Variants in MAD1L1 observed in about 807,000 individuals in gnomAD.
MAD1L1 encodes mitotic arrest deficient 1 like 1.
MAD1L1 carries 95 observed loss-of-function variants against 96.9 expected under a neutral mutation model. That is an observed-to-expected ratio of 0.98 (90% CI 0.83 to 1.16). The LOEUF (loss-of-function observed/expected upper bound fraction) is 1.16. Among genes scored for constraint, MAD1L1 ranks in the 50% most tolerant of loss-of-function variants. The probability of loss-of-function intolerance (pLI) is 0.00; values close to 1 mark genes in which losing one functional copy is unlikely to be tolerated. For synonymous variants in MAD1L1, 473 were observed against 396.6 expected, an observed-to-expected ratio of 1.19 and a Z score of -2.29; for missense variants, 1,007 against 954.4, an observed-to-expected ratio of 1.06 and a Z score of -0.73.
intron 11 of MAD1L1, among the ~76,000 whole-genome samples, chr7:2,096,242 A>G (rs558370500): frequency 1.3e-5 from 2 of 152,318 alleles, no homozygotes; most frequent in East Asian, 3.9e-4. Flanking sequence ...TCCTCGTCGG[A>G]CACAAGGGCT....
intron 16 of MAD1L1, among the ~76,000 whole-genome samples, chr7:1,955,557 C>T (rs186601346): frequency 2.6e-5 from 4 of 152,360 alleles, no homozygotes; most frequent in Non-Finnish European, 5.9e-5. Context: ...TCCCAAAGTA[C>T]TGGGATTACA....
chr7:2,011,839 A>AGC (rs1452909453), intron 13 of MAD1L1, among the ~76,000 whole-genome samples: 9 of 152,154 alleles, frequency 5.9e-5, no homozygotes, highest in Non-Finnish European at 1.3e-4. Context: ...AGGCCAGTGC[A>AGC]GCGGGGTCCT....
intron 1 of MAD1L1, among the ~76,000 whole-genome samples, chr7:2,232,663 CAG>C (rs898366122): frequency 1.3e-5 from 2 of 152,106 alleles, no homozygotes; most frequent in Non-Finnish European, 2.9e-5. Context: ...GGAGTGGGGA[CAG>C]GGGAGTGGGG....
chr7:1,918,301 G>A (rs1397073209), intron 17 of MAD1L1, among the ~76,000 whole-genome samples: 3 of 152,256 alleles, frequency 2.0e-5, no homozygotes, highest in African/African-American at 4.8e-5. Context: ...CAGCCCCAGC[G>A]CAGTCCCCTC....
chr7:1,984,999 C>T (rs1047026302), intron 14 of MAD1L1, among the ~76,000 whole-genome samples: 3 of 152,238 alleles, frequency 2.0e-5, no homozygotes, highest in Admixed American at 6.5e-5. Context: ...ACAGTACCTA[C>T]TGTATCTCCT....
chr7:2,131,815 C>T (rs10256077), intron 11 of MAD1L1, among the ~76,000 whole-genome samples: 77,637 of 152,076 alleles, frequency 0.51, 20,496 homozygotes, highest in Middle Eastern at 0.69. Flanking sequence ...TGACAGCCAT[C>T]GCACCTGGGG....
At chr7:1,988,101 G>A (rs997053015) in intron 14 of MAD1L1, among the ~76,000 whole-genome samples, 1 of 152,258 alleles carries the variant, frequency 6.6e-6, no homozygotes, top group Non-Finnish European at 1.5e-5. Flanking sequence ...AGACCCAGAA[G>A]AAAAGGAGTA....
chr7:1,882,584 C>T lies in MAD1L1; in HGVS notation c.1998+15616G>A, dbSNP rs529240685. 8.5e-5 allele frequency among the ~76,000 whole-genome samples: 13 copies of T among 152,322 alleles called. 1 individual carries two copies. In the East Asian group the frequency reaches 1.9e-3, roughly 23 times the overall value. ...AGTTAACTACTTCCTATCAGCAACACCCGTGGCCACAGGGTCCTGCTCACC... is the reference window on the plus strand; with the variant it reads ...AGTTAACTACTTCCTATCAGCAACATCCGTGGCCACAGGGTCCTGCTCACC... On this transcript the variant is annotated intron_variant, in intron 18 of 18. Transcript: ENST00000265854.
At chr7:1,850,806 G>A (rs1783928804) in intron 18 of MAD1L1, among the ~76,000 whole-genome samples, 1 of 152,198 alleles carries the variant, frequency 6.6e-6, no homozygotes, top group Non-Finnish European at 1.5e-5. Flanking sequence ...GTTCACTGCA[G>A]GCCAGACCGT....
At chr7:1,930,703 A>C (rs1250218391) in intron 17 of MAD1L1, among the ~76,000 whole-genome samples, 2 of 150,548 alleles carry the variant, frequency 1.3e-5, no homozygotes, top group Non-Finnish European at 3.0e-5. Context: ...GACCCCCGAG[A>C]TGCTGGGTGA....
intron 14 of MAD1L1, among the ~76,000 whole-genome samples, chr7:1,990,467 G>C (rs1179262138): frequency 1.3e-5 from 2 of 152,234 alleles, no homozygotes; most frequent in Non-Finnish European, 2.9e-5. Context: ...GGAGACACAG[G>C]CGCTGTGGGC....
chr7:1,904,826 AG>A, intron 17 of MAD1L1, among the ~76,000 whole-genome samples: 1 of 91,080 alleles, frequency 1.1e-5, no homozygotes, highest in African/African-American at 5.8e-5. Flanking sequence ...GTTCCAGGCA[AG>A]CGAGGACGCA....
chr7:1,908,080 C>T (rs999577081), intron 17 of MAD1L1, among the ~76,000 whole-genome samples: 47 of 152,206 alleles, frequency 3.1e-4, no homozygotes, highest in African/African-American at 1.1e-3. Flanking sequence ...CACACACGGT[C>T]CCAACGATGT....
At chr7:2,111,522 G>A (rs1219295189) in intron 11 of MAD1L1, among the ~76,000 whole-genome samples, 1 of 152,246 alleles carries the variant, frequency 6.6e-6, no homozygotes, top group South Asian at 2.1e-4. Flanking sequence ...GAAGCAAAAC[G>A]AAACCAGCTT....
chr7:1,939,732 A>G (rs1778851557), intron 16 of MAD1L1, among the ~76,000 whole-genome samples: 1 of 152,234 alleles, frequency 6.6e-6, no homozygotes, highest in Non-Finnish European at 1.5e-5. Flanking sequence ...GCCGGTGTGG[A>G]CACACCCCAC....
intron 14 of MAD1L1, among the ~76,000 whole-genome samples, chr7:1,998,195 C>T (rs144718353): frequency 0.028 from 4,288 of 152,286 alleles, 82 homozygotes; most frequent in Non-Finnish European, 0.043. Context: ...ACTCCAGGGG[C>T]GGCCACACCC....
chr7:2,032,315 G>A (rs940519944), intron 12 of MAD1L1, among the ~76,000 whole-genome samples: 1 of 152,226 alleles, frequency 6.6e-6, no homozygotes, highest in Admixed American at 6.5e-5. Context: ...TCCAGGGGAA[G>A]GCGCGCGCCC....
intron 18 of MAD1L1, among the ~76,000 whole-genome samples, chr7:1,887,861 A>ATGTGTGTGCATG (rs1554284097): frequency 1.4e-4 from 18 of 132,142 alleles, no homozygotes; most frequent in African/African-American, 5.2e-4. Context: ...GTGTGTGTGC[A>ATGTGTGTGCATG]CGTGTGTGTG....
chr7:2,128,292 A>T (rs1788334883), intron 11 of MAD1L1, among the ~76,000 whole-genome samples: 1 of 152,134 alleles, frequency 6.6e-6, no homozygotes, highest in Admixed American at 6.6e-5. Flanking sequence ...TCATCTCCCA[A>T]ACAGCACTAC....
Sources: gnomAD v4.1 joint callset for allele counts (sites outside exome capture counted in the v4.1 genomes callset) on GRCh38, gnomAD v4.1.1 for gene constraint, MANE v1.5 for transcripts, NCBI Gene and HGNC (gene_info 2026-07-23, HGNC 2026-07-21) for gene names.